The following LY6S variants were observed in gnomAD, a reference collection of about 807,000 sequenced individuals.
LY6S encodes lymphocyte antigen 6S.
the LY6S span, among the ~76,000 whole-genome samples, chr8:143,056,771 T>C: frequency 1.3e-5 from 2 of 152,188 alleles, no homozygotes; most frequent in South Asian, 2.1e-4. Flanking sequence ...AAAGTGAGAT[T>C]ACTACAAAAT....
chr8:143,067,779 A>T, the LY6S span, among the ~76,000 whole-genome samples: 3 of 152,244 alleles, frequency 2.0e-5, no homozygotes, highest in African/African-American at 7.2e-5. Flanking sequence ...CTGTGCCTGG[A>T]TGTGCACGTA....
At chr8:143,075,824 A>T in the LY6S span, among the ~76,000 whole-genome samples, 19 of 152,156 alleles carry the variant, frequency 1.2e-4, no homozygotes, top group Non-Finnish European at 2.6e-4. The surrounding 1 kb of genome is among the most constrained non-coding windows in gnomAD (Gnocchi z 4.1). Context: ...AGTTTTAATC[A>T]TTTCTAGGTA....
chr8:143,057,262 T>A, the LY6S span: 6 of 196,256 alleles, frequency 3.1e-5, no homozygotes, highest in South Asian at 3.2e-4. Flanking sequence ...TTTTATTTTT[T>A]TTTTTGAGGT....
chr8:143,070,477 A>ATTTTTTTTT, the LY6S span, among the ~76,000 whole-genome samples: 1 of 11,328 alleles, frequency 8.8e-5, no homozygotes, highest in African/African-American at 1.8e-4. Context: ...ATATATATAA[A>ATTTTTTTTT]TATATATATA....
At chr8:143,067,803 T>G in the LY6S span, among the ~76,000 whole-genome samples, 1 of 152,218 alleles carries the variant, frequency 6.6e-6, no homozygotes, top group African/African-American at 2.4e-5. Context: ...TAGATTTATG[T>G]TTCACTTTAC....
At chr8:143,061,832 C>A in the LY6S span, among the ~76,000 whole-genome samples, 2 of 152,318 alleles carry the variant, frequency 1.3e-5, no homozygotes, top group Admixed American at 1.3e-4. Flanking sequence ...GTGTGAGTCA[C>A]CACACCTGGC....
chr8:143,072,296 G>A, the LY6S span, among the ~76,000 whole-genome samples: 12 of 147,004 alleles, frequency 8.2e-5, no homozygotes, highest in African/African-American at 7.6e-5. Flanking sequence ...TGTTTGAGGA[G>A]ACAGCCGTCG....
the LY6S span, among the ~76,000 whole-genome samples, chr8:143,050,560 G>A: frequency 6.6e-6 from 1 of 152,130 alleles, no homozygotes; most frequent in African/African-American, 2.4e-5. Flanking sequence ...AAAGGGCCAT[G>A]TTGGCTCTTG....
At chr8:143,074,848 C>T in the LY6S span, among the ~76,000 whole-genome samples, 32 of 152,312 alleles carry the variant, frequency 2.1e-4, no homozygotes, top group African/African-American at 7.5e-4. Flanking sequence ...AGAGCTCTGC[C>T]GATGACTAAC....
chr8:143,068,413 A>G, the LY6S span, among the ~76,000 whole-genome samples: 7 of 152,090 alleles, frequency 4.6e-5, no homozygotes, highest in African/African-American at 1.4e-4. Context: ...TTCCTTTTCT[A>G]TGTAGACACA....
chr8:143,068,032 C>A, the LY6S span, among the ~76,000 whole-genome samples: 1 of 152,130 alleles, frequency 6.6e-6, no homozygotes. Flanking sequence ...CAGCACAGAC[C>A]CTTCACGGGT....
At chr8:143,051,835 G>C in the LY6S span, among the ~76,000 whole-genome samples, 5 of 151,604 alleles carry the variant, frequency 3.3e-5, no homozygotes, top group South Asian at 8.4e-4. Flanking sequence ...AGCCGGGCAT[G>C]GTGGCACCCA....
At chr8:143,042,975 C>G in the LY6S span, 1 of 1,361,292 alleles carries the variant, frequency 7.3e-7, no homozygotes, top group East Asian at 4.6e-5. Context: ...CCGACCTCTG[C>G]CCTGGCCACA....
At chr8:143,055,644 C>T in the LY6S span, among the ~76,000 whole-genome samples, 431 of 152,170 alleles carry the variant, frequency 2.8e-3, 4 homozygotes, top group South Asian at 0.04. Context: ...TGGAAAAAAA[C>T]GGACCAGATT....
the LY6S span, among the ~76,000 whole-genome samples, chr8:143,048,625 G>A: frequency 5.9e-5 from 9 of 151,884 alleles, no homozygotes; most frequent in East Asian, 3.9e-4. Flanking sequence ...CTGCCACCAC[G>A]CCCGGCTAAT....
At chr8:143,048,715 C>G in the LY6S span, among the ~76,000 whole-genome samples, 1 of 152,144 alleles carries the variant, frequency 6.6e-6, no homozygotes, top group Admixed American at 6.5e-5. Flanking sequence ...AGTGATCCAT[C>G]CACCTTGGCC....
chr8:143,060,910 G>A, the LY6S span, among the ~76,000 whole-genome samples: 1 of 151,522 alleles, frequency 6.6e-6, no homozygotes, highest in African/African-American at 2.4e-5. Context: ...ATATATCTAA[G>A]AATATAACAA....
the LY6S span, among the ~76,000 whole-genome samples, chr8:143,070,428 ATATATTATATATATATTG>A: frequency 1.0e-5 from 1 of 99,238 alleles, no homozygotes; most frequent in African/African-American, 5.7e-5. Flanking sequence ...ATATTTATAT[ATATATTATATATATATTG>A]TATATATATA....
the LY6S span, among the ~76,000 whole-genome samples, chr8:143,056,658 T>C: frequency 6.6e-6 from 1 of 152,178 alleles, no homozygotes; most frequent in East Asian, 1.9e-4. Context: ...AATGAATCTA[T>C]GCAAAAATTT....
Sources: gnomAD v4.1 joint callset for allele counts (sites outside exome capture counted in the v4.1 genomes callset) on GRCh38, gnomAD v4.1.1 for gene constraint, Gnocchi (gnomAD v3.1) non-coding constraint, MANE v1.5 for transcripts, NCBI Gene and HGNC (gene_info 2026-07-23, HGNC 2026-07-21) for gene names.